ATRNL1: variants seen among roughly 807,000 people sequenced by gnomAD.
ATRNL1 encodes the protein attractin-like protein 1.
In ATRNL1, 95 loss-of-function variants were observed where a neutral mutation model predicts 182.7. The observed-to-expected ratio is 0.52, with a 90% CI of 0.44 to 0.62. The LOEUF (loss-of-function observed/expected upper bound fraction) is 0.62. ATRNL1 is among the 20% of genes least tolerant of loss of function. ATRNL1 has a pLI of 0.00. For missense variants in ATRNL1, 1,471 were observed against 1,679.5 expected (o/e 0.88, Z 2.17); for synonymous variants, 576 against 568.3 (o/e 1.01, Z -0.19).
intron 10 of ATRNL1, among the ~76,000 whole-genome samples, chr10:115,256,233 T>C (rs1851129213): frequency 6.6e-6 from 1 of 152,240 alleles, no homozygotes; most frequent in Admixed American, 6.5e-5. Flanking sequence ...TCTTTGTACC[T>C]CTGGTAGAAT....
intron 24 of ATRNL1, among the ~76,000 whole-genome samples, chr10:115,508,258 T>G (rs1554981799): frequency 6.6e-6 from 1 of 152,072 alleles, no homozygotes; most frequent in Non-Finnish European, 1.5e-5. Flanking sequence ...GTGTTTGTTC[T>G]GAGTGCTCCA....
At chr10:115,575,842 ATAAT>A (rs1854672384) in intron 26 of ATRNL1, among the ~76,000 whole-genome samples, 1 of 152,024 alleles carries the variant, frequency 6.6e-6, no homozygotes, top group African/African-American at 2.4e-5. Context: ...TCAGATCTCT[ATAAT>A]TAGTCATCCT....
In ATRNL1 at chr10:115,507,820, G is replaced by A. The variant is rs77227640; in HGVS notation, c.3655-11443G>A. Among the ~76,000 whole-genome samples, 846 of 152,116 alleles carry A rather than the reference G, an allele frequency of 5.6e-3. 4 individuals are homozygous for A. Among genetic ancestry groups the A allele is most frequent in the South Asian group, 0.036 (173 of 4,820 alleles). On this transcript the variant is annotated intron_variant, in intron 24 of 28. Transcript: ENST00000355044. ...ATTCACACAAAATCCAGAACTGGTA[G>A]GCAATGATTCTAGAATAAGAGTTAC...
intron 27 of ATRNL1, among the ~76,000 whole-genome samples, chr10:115,829,755 A>G (rs960888816): frequency 6.6e-6 from 1 of 152,112 alleles, no homozygotes; most frequent in Non-Finnish European, 1.5e-5. Flanking sequence ...GCTAAAGCAG[A>G]AAAAAATCAA....
At chr10:115,532,836 G>GGGTTGTTGAATCTTTT (rs1554988784) in intron 25 of ATRNL1, among the ~76,000 whole-genome samples, 2 of 152,026 alleles carry the variant, frequency 1.3e-5, no homozygotes, top group East Asian at 3.9e-4. Context: ...TTAGCATGAA[G>GGGTTGTTGAATCTTTT]GGTTGTTGAA....
chr10:115,687,165 T>G (rs1418514935), intron 26 of ATRNL1, among the ~76,000 whole-genome samples: 1 of 152,096 alleles, frequency 6.6e-6, no homozygotes, highest in African/African-American at 2.4e-5. Flanking sequence ...ACTATACACA[T>G]TATGCTATAA....
chr10:115,685,616 A>G (rs909062959), intron 26 of ATRNL1, among the ~76,000 whole-genome samples: 6 of 151,892 alleles, frequency 4.0e-5, no homozygotes, highest in African/African-American at 1.4e-4. Flanking sequence ...ATAATACCTC[A>G]AAGTCATAGA....
At chr10:115,339,029 T>A (rs1453375106) in intron 19 of ATRNL1, among the ~76,000 whole-genome samples, 1 of 152,212 alleles carries the variant, frequency 6.6e-6, no homozygotes, top group Non-Finnish European at 1.5e-5. Flanking sequence ...ATGAATTCAC[T>A]GTAGCTGTGT....
intron 9 of ATRNL1, among the ~76,000 whole-genome samples, chr10:115,232,859 A>G (rs1271092287): frequency 6.6e-6 from 1 of 152,090 alleles, no homozygotes; most frequent in Non-Finnish European, 1.5e-5. Flanking sequence ...TGAAATCTGT[A>G]TTCATTTCCT....
At chr10:115,584,750 C>T (rs1183128816) in intron 26 of ATRNL1, among the ~76,000 whole-genome samples, 10 of 152,120 alleles carry the variant, frequency 6.6e-5, no homozygotes, top group African/African-American at 2.2e-4. Flanking sequence ...CTATTTCCTT[C>T]AGTTTTGCTC....
chr10:115,596,270 T>A (rs1294899395), intron 26 of ATRNL1, among the ~76,000 whole-genome samples: 1 of 152,086 alleles, frequency 6.6e-6, no homozygotes, highest in African/African-American at 2.4e-5. Flanking sequence ...CACACCCAGC[T>A]AATTTTTGTA....
intron 27 of ATRNL1, among the ~76,000 whole-genome samples, chr10:115,763,445 A>G (rs966508211): frequency 6.6e-6 from 1 of 152,210 alleles, no homozygotes; most frequent in Admixed American, 6.5e-5. Context: ...ATGAGAGGGC[A>G]GTATTTGAGC....
chr10:115,118,470 G>A (rs1844587236), intron 1 of ATRNL1, among the ~76,000 whole-genome samples: 2 of 152,090 alleles, frequency 1.3e-5, no homozygotes, highest in Admixed American at 1.3e-4. Context: ...AGTTCTGGCA[G>A]CACCATAAGC....
chr10:115,684,651 T>C (rs1242037449), intron 26 of ATRNL1, among the ~76,000 whole-genome samples: 1 of 151,614 alleles, frequency 6.6e-6, no homozygotes, highest in Admixed American at 6.6e-5. Flanking sequence ...CTATGTAATA[T>C]ATCAATAAAC....
At chr10:115,444,610 A>G (rs569288613) in intron 21 of ATRNL1, among the ~76,000 whole-genome samples, 8 of 147,234 alleles carry the variant, frequency 5.4e-5, no homozygotes, top group African/African-American at 1.5e-4. Flanking sequence ...TTGTATTTGT[A>G]TTTGTCTCTT....
chr10:115,453,692 C>T (rs1194982737), intron 21 of ATRNL1, among the ~76,000 whole-genome samples: 5 of 149,950 alleles, frequency 3.3e-5, no homozygotes, highest in East Asian at 2.0e-4. Flanking sequence ...TAAACTATCG[C>T]GAGGACAAAA....
intron 8 of ATRNL1, among the ~76,000 whole-genome samples, chr10:115,173,882 G>C (rs1847388595): frequency 6.7e-6 from 1 of 150,060 alleles, no homozygotes; most frequent in Admixed American, 6.7e-5. Flanking sequence ...CGAGAGAGTT[G>C]AATTTTGCTT....
intron 24 of ATRNL1, among the ~76,000 whole-genome samples, chr10:115,477,669 C>T (rs1220766561): frequency 6.6e-6 from 1 of 151,512 alleles, no homozygotes; most frequent in Admixed American, 6.6e-5. Context: ...TTTGTTTGGT[C>T]AGGAGATATT....
chr10:115,338,082 C>G (rs555804048), intron 19 of ATRNL1, among the ~76,000 whole-genome samples: 3 of 152,150 alleles, frequency 2.0e-5, no homozygotes, highest in Admixed American at 6.5e-5. Flanking sequence ...GCTGTGCAGC[C>G]GGTTCCTGAC....
Sources: allele counts gnomAD v4.1 joint callset (sites outside exome capture counted in the v4.1 genomes callset), GRCh38; gene constraint gnomAD v4.1.1; transcripts MANE v1.5; gene names NCBI Gene and HGNC (gene_info 2026-07-23, HGNC 2026-07-21).